Variants in LRCH2 observed in about 807,000 individuals in gnomAD.
LRCH2 encodes leucine rich repeats and calponin homology domain containing 2.
A neutral mutation model predicts 68.9 loss-of-function variants in LRCH2; 38 were observed. The observed-to-expected ratio is 0.55, with a 90% CI of 0.43 to 0.72. The LOEUF (loss-of-function observed/expected upper bound fraction) is 0.72, where lower values mean the gene tolerates loss of function less well. Ranked by LOEUF, LRCH2 falls within the 30% of genes least tolerant of loss-of-function variation. LRCH2 has a pLI of 0.00. For synonymous variants in LRCH2, 191 were observed against 208.1 expected (o/e 0.92, Z 0.71); for missense variants, 528 against 572.9 (o/e 0.92, Z 0.80).
chrX:115,150,466 A>T (rs1311855631), intron 12 of LRCH2, among the ~76,000 whole-genome samples: 2 of 111,384 alleles, frequency 1.8e-5, no homozygotes, highest in East Asian at 5.6e-4. Flanking sequence ...GCGAGTAGTT[A>T]TTTTTGCCTA....
chrX:115,215,850 A>C (rs2073038757), intron 1 of LRCH2, among the ~76,000 whole-genome samples: 1 of 109,928 alleles, frequency 9.1e-6, no homozygotes, highest in South Asian at 3.8e-4. Context: ...TGGCAAGGCT[A>C]TTTTGAATTA....
In LRCH2 at chrX:115,191,142, C is replaced by T. The variant is rs1556558806; in HGVS notation, c.350-2772G>A. 3.4e-6 allele frequency: 4 copies of T among 1,165,323 alleles called. No individual in the cohort carries two copies. In the Admixed American group the frequency reaches 7.8e-5, roughly 23 times the overall value. ...CGCATGACGCCCACAGTGGGGGCTG[C>T]TCTGCCGACGCCTACAGTGGGGGCC... On this transcript the variant is annotated intron_variant, in intron 1 of 20. Coordinates refer to ENST00000317135, the MANE Select transcript of LRCH2 (RefSeq NM_020871.4).
At chrX:115,191,084 G>A (rs2072805944) in intron 1 of LRCH2, 1 of 1,166,712 alleles carries the variant, frequency 8.6e-7, no homozygotes, top group Non-Finnish European at 1.1e-6. Context: ...CACCGCTATG[G>A]AGGAGAAGGC....
At chrX:115,219,659 A>G (rs1215030335) in intron 1 of LRCH2, among the ~76,000 whole-genome samples, 2 of 111,946 alleles carry the variant, frequency 1.8e-5, no homozygotes, top group African/African-American at 6.5e-5. Context: ...GTTGTTGAGG[A>G]GTCAATTCTA....
chrX:115,171,779 T>C (rs1483496408), intron 5 of LRCH2, among the ~76,000 whole-genome samples: 1 of 109,098 alleles, frequency 9.2e-6, no homozygotes, highest in Non-Finnish European at 1.9e-5. Context: ...CTCGACATCC[T>C]GGGCTCAAGT....
intron 14 of LRCH2, among the ~76,000 whole-genome samples, chrX:115,138,340 T>G (rs1569512736): frequency 8.9e-6 from 1 of 111,800 alleles, no homozygotes; most frequent in Non-Finnish European, 1.9e-5. Context: ...TCATACCCTT[T>G]TTTGTTCAAT....
intron 5 of LRCH2, among the ~76,000 whole-genome samples, chrX:115,175,128 C>A (rs1054660013): frequency 8.9e-6 from 1 of 111,920 alleles, no homozygotes. Context: ...TGGAAGGTGG[C>A]GTGCCCACAG....
intron 1 of LRCH2, among the ~76,000 whole-genome samples, chrX:115,210,752 G>C (rs2147352605): frequency 9.0e-6 from 1 of 111,704 alleles, no homozygotes; most frequent in South Asian, 3.9e-4. Context: ...GAGGGAGGCT[G>C]TACCCTGCTA....
In LRCH2 at chrX:115,111,744, C is replaced by G. The variant is rs2072045082; in HGVS notation, c.*1472G>C. ...AAAATTTAATTCTATGGCTTCATGC[C>G]AACTGATCAAAAAAAGTACAGTTGT... On this transcript the variant is annotated 3_prime_UTR_variant, in exon 21 of 21. Transcript: ENST00000317135. The G allele has an allele frequency of 9.0e-6, 1 of 111,399 alleles. No individual in the cohort carries two copies. Among genetic ancestry groups the G allele is most frequent in the Admixed American group, 9.6e-5 (1 of 10,381 alleles). 9.2% of individuals were successfully genotyped at this position (111,399 alleles called of 1,213,427 possible). A position where few individuals can be genotyped will look rare whatever the true frequency, so the allele number is the denominator to read the frequency against.
chrX:115,130,125 C>T, intron 15 of LRCH2, 30 bp downstream of exon 15: 1 of 904,462 alleles, frequency 1.1e-6, no homozygotes, highest in Non-Finnish European at 1.5e-6. Context: ...GTAAACATTT[C>T]AAATAATTAT....
chrX:115,181,522 C>T (rs2072691561), intron 3 of LRCH2, among the ~76,000 whole-genome samples: 1 of 112,350 alleles, frequency 8.9e-6, no homozygotes, highest in Admixed American at 9.4e-5. Context: ...AATGAACCCA[C>T]TCCAGTGGGT....
chrX:115,134,723 A>G lies in LRCH2; in HGVS notation c.1696-4524T>C, dbSNP rs182050279. Among the ~76,000 whole-genome samples, 689 of 112,038 alleles carry G rather than the reference A, an allele frequency of 6.1e-3. 3 individuals carry two copies. The highest frequency in any genetic ancestry group is 0.011 in the Non-Finnish European group (562 of 53,240). On this transcript the variant is annotated intron_variant, in intron 14 of 20. Coordinates refer to ENST00000317135, the MANE Select transcript of LRCH2 (RefSeq NM_020871.4). ...CATTTACAATGAGTCTAGTCAACCA[A>G]GAGTTCTGATGAAGACGTTCAAAGA... is the stretch of plus-strand genomic sequence containing the variant.
intron 1 of LRCH2, chrX:115,192,003 C>T: frequency 8.6e-7 from 1 of 1,167,864 alleles, no homozygotes; most frequent in South Asian, 1.9e-5. Context: ...GGAGCCACCG[C>T]TATGGAGGAG....
intron 20 of LRCH2, among the ~76,000 whole-genome samples, chrX:115,121,076 A>T: frequency 9.3e-6 from 1 of 107,939 alleles, no homozygotes; most frequent in Non-Finnish European, 1.9e-5. Flanking sequence ...ATGCTAGATG[A>T]CGAGTTAGTG....
At chrX:115,123,355 T>C (rs948686311) in intron 17 of LRCH2, among the ~76,000 whole-genome samples, 163 bp from the exon 18 acceptor site, 2 of 112,209 alleles carry the variant, frequency 1.8e-5, no homozygotes, top group Non-Finnish European at 3.8e-5. Context: ...TCTATTTATG[T>C]GCATAATTGA....
intron 14 of LRCH2, among the ~76,000 whole-genome samples, chrX:115,145,332 C>A (rs1408342175): frequency 9.0e-6 from 1 of 111,545 alleles, no homozygotes; most frequent in Non-Finnish European, 1.9e-5. Flanking sequence ...AGACTTCAAT[C>A]TATAAAACTG....
intron 16 of LRCH2, among the ~76,000 whole-genome samples, chrX:115,125,166 G>A (rs1470760604): frequency 1.8e-5 from 2 of 108,184 alleles, no homozygotes; most frequent in Non-Finnish European, 3.8e-5. Flanking sequence ...CAACATTTTG[G>A]GAGGCCAAGG....
At position 115,122,635 on chromosome X, in the gene LRCH2, T is replaced by C. The variant is rs373625322; in HGVS notation, c.2101-31A>G. ...AAGTAAGAGGGAAAAAATGTACTTT[T>C]AGGCATTTTTCTATGGAACTTAATC... is the stretch of plus-strand genomic sequence containing the variant. On this transcript the variant is annotated intron_variant, in intron 19 of 20. Coordinates refer to ENST00000317135, the MANE Select transcript of LRCH2 (RefSeq NM_020871.4). 1.2e-3 allele frequency: 1,404 copies of C among 1,186,026 alleles called. 1 individual carries two copies. Among genetic ancestry groups the C allele is most frequent in the Non-Finnish European group, 1.4e-3 (1,259 of 877,739 alleles).
chrX:115,184,555 G>C lies in LRCH2; in HGVS notation c.495-18C>G. ...GATTTCGGCTGAAAAGAATGAGAAA[G>C]TTTCATTACGAGAATATGTATGTAA... On this transcript the variant is annotated intron_variant, in intron 2 of 20. Transcript: ENST00000317135. The C allele has an allele frequency of 9.0e-7, 1 of 1,115,304 alleles. No individual in the cohort carries two copies. Among genetic ancestry groups the C allele is most frequent in the Middle Eastern group, 2.5e-4 (1 of 4,067 alleles). The allele number at this position is 1,115,304 out of a possible 1,213,427, so 91.9% of individuals were successfully genotyped here. A position where few individuals can be genotyped will look rare whatever the true frequency, so the allele number is the denominator to read the frequency against.
Sources: allele counts gnomAD v4.1 joint callset (sites outside exome capture counted in the v4.1 genomes callset), GRCh38; gene constraint gnomAD v4.1.1; transcripts MANE v1.5; gene names NCBI Gene and HGNC (gene_info 2026-07-23, HGNC 2026-07-21).